The following ARHGAP26 variants were observed in gnomAD, a reference collection of about 807,000 sequenced individuals.
The protein encoded by ARHGAP26 is Rho GTPase activating protein 26.
A neutral mutation model predicts 104.8 loss-of-function variants in ARHGAP26; 38 were observed. The observed-to-expected ratio is 0.36, with a 90% confidence interval of 0.28 to 0.48. ARHGAP26 has a LOEUF of 0.48. Ranked by LOEUF, ARHGAP26 falls within the 20% of genes least tolerant of loss-of-function variation. The pLI is 0.99. For synonymous variants in ARHGAP26, 341 were observed against 340.0 expected (o/e 1.00, Z -0.03); for missense variants, 704 against 947.9 (o/e 0.74, Z 3.38).
chr5:143,056,316 CTTT>C (rs10672936), intron 16 of ARHGAP26, among the ~76,000 whole-genome samples: 3 of 80,096 alleles, frequency 3.7e-5, no homozygotes, highest in Admixed American at 1.5e-4. Flanking sequence ...CTTCAGAAGT[CTTT>C]TTTTTTTTTT....
At chr5:143,081,164 C>T (rs926349620) in intron 17 of ARHGAP26, among the ~76,000 whole-genome samples, 1 of 152,004 alleles carries the variant, frequency 6.6e-6, no homozygotes, top group African/African-American at 2.4e-5. Flanking sequence ...ACAGATTATT[C>T]TTTCTTGTAT....
At position 142,825,913 on chromosome 5, in the gene ARHGAP26, T is replaced by G. The variant is rs144715502; in HGVS notation, c.155-47487T>G. 2.3e-3 allele frequency among the ~76,000 whole-genome samples: 349 copies of G among 152,314 alleles called. 1 individual carries two copies. Among genetic ancestry groups the G allele is most frequent in the Admixed American group, 3.6e-3 (55 of 15,296 alleles). On this transcript the variant is annotated intron_variant, in intron 1 of 22. Coordinates refer to ENST00000645722, the MANE Select transcript of ARHGAP26 (RefSeq NM_001135608.3). ...TGCCTTTCCCGTGCTGTGTGCTGGCTTGGGAATTGTGGAATTCTGCACATG... is the reference window on the plus strand; with the variant it reads ...TGCCTTTCCCGTGCTGTGTGCTGGCGTGGGAATTGTGGAATTCTGCACATG...
At chr5:143,090,755 T>A (rs1791298462) in intron 17 of ARHGAP26, among the ~76,000 whole-genome samples, 1 of 152,184 alleles carries the variant, frequency 6.6e-6, no homozygotes, top group African/African-American at 2.4e-5. Flanking sequence ...TGTTGGCAAT[T>A]CATTCTTGCT....
intron 11 of ARHGAP26, among the ~76,000 whole-genome samples, chr5:142,991,186 C>T (rs554740145): frequency 6.6e-6 from 1 of 152,336 alleles, no homozygotes; most frequent in East Asian, 1.9e-4. Context: ...CCCAGCCTTG[C>T]TGCCGCCTTG....
chr5:143,106,466 C>CTTTTTTTTTTTTTTTTT (rs70991793), intron 17 of ARHGAP26, among the ~76,000 whole-genome samples: 1 of 77,292 alleles, frequency 1.3e-5, no homozygotes, highest in Non-Finnish European at 2.2e-5. Flanking sequence ...ATGCATTGGG[C>CTTTTTTTTTTTTTTTTT]TTTTTTTTTT....
At chr5:143,193,543 C>A (rs1221143663) in intron 20 of ARHGAP26, among the ~76,000 whole-genome samples, 1 of 152,146 alleles carries the variant, frequency 6.6e-6, no homozygotes, top group Admixed American at 6.5e-5. Context: ...AGCCACCATG[C>A]CCCGGCCTAC....
intron 1 of ARHGAP26, among the ~76,000 whole-genome samples, chr5:142,813,411 A>C (rs1169591815): frequency 6.6e-6 from 1 of 152,318 alleles, no homozygotes; most frequent in East Asian, 1.9e-4. Flanking sequence ...TGACTGTTTC[A>C]GAAGGAAACC....
chr5:142,868,358 G>A (rs1754697119), intron 1 of ARHGAP26, among the ~76,000 whole-genome samples: 1 of 152,018 alleles, frequency 6.6e-6, no homozygotes. Flanking sequence ...GCCTTGGGAG[G>A]GACTTTCGTC....
At chr5:142,977,334 G>A (rs920870824) in intron 11 of ARHGAP26, among the ~76,000 whole-genome samples, 2 of 151,976 alleles carry the variant, frequency 1.3e-5, no homozygotes, top group Non-Finnish European at 2.9e-5. Context: ...ACAATTTGTG[G>A]CATTGCTGGG....
intron 20 of ARHGAP26, chr5:143,202,414 A>T (rs1807896882): frequency 6.6e-6 from 1 of 152,170 alleles, no homozygotes; most frequent in South Asian, 2.1e-4. Flanking sequence ...GAAATAAGAC[A>T]AGGACACAAA....
At chr5:142,961,700 A>G (rs553950574) in intron 11 of ARHGAP26, among the ~76,000 whole-genome samples, 13 of 152,334 alleles carry the variant, frequency 8.5e-5, no homozygotes, top group Admixed American at 5.9e-4. Context: ...GATAAAGTCT[A>G]TCCTCCTGTG....
intron 12 of ARHGAP26, among the ~76,000 whole-genome samples, chr5:143,021,118 A>G (rs1253880536): frequency 6.6e-6 from 1 of 152,266 alleles, no homozygotes; most frequent in Non-Finnish European, 1.5e-5. Context: ...TGAAACATTC[A>G]GTCAAAAATC....
intron 11 of ARHGAP26, among the ~76,000 whole-genome samples, chr5:142,977,940 G>A (rs1016673931): frequency 6.6e-6 from 1 of 152,192 alleles, no homozygotes; most frequent in African/African-American, 2.4e-5. Context: ...ACCTTGAGAG[G>A]TTTCATCAGC....
At position 143,055,881 on chromosome 5, in the gene ARHGAP26, G is replaced by T. The variant is rs188633335; in HGVS notation, c.1374-147G>T. ...TTTTGGGTGAAATCTCAGAACGCTT[G>T]CAATAGGGAAACTACATTGTTATTG... On this transcript the variant is annotated intron_variant, in intron 15 of 22. Coordinates refer to ENST00000645722, the MANE Select transcript of ARHGAP26 (RefSeq NM_001135608.3). 5.8e-5 allele frequency: 32 copies of T among 554,276 alleles called. No individual in the cohort carries two copies. The East Asian group carries it at 9.2e-4, about 16-fold the overall frequency. 34.3% of individuals were successfully genotyped at this position (554,276 alleles called of 1,614,324 possible).
chr5:142,946,103 C>T (rs539880422), intron 11 of ARHGAP26, among the ~76,000 whole-genome samples: 3 of 152,324 alleles, frequency 2.0e-5, no homozygotes, highest in East Asian at 1.9e-4. Flanking sequence ...ATAATTCATA[C>T]ATTTCCATAA....
chr5:142,879,353 TA>T lies in ARHGAP26; in HGVS notation c.313-20del. On this transcript the variant is annotated intron_variant, in intron 3 of 22. Coordinates refer to ENST00000645722, the MANE Select transcript of ARHGAP26 (RefSeq NM_001135608.3). ...TACTGCTTTTGTGTCTTCTTTCCCTTACTCTGTTGTTCTTCACCAGATTGAG... is the reference window on the plus strand; with the variant it reads ...TACTGCTTTTGTGTCTTCTTTCCCTTCTCTGTTGTTCTTCACCAGATTGAG... The T allele has an allele frequency of 6.2e-7, 1 of 1,609,842 alleles. No homozygotes were observed. Among genetic ancestry groups the T allele is most frequent in the Non-Finnish European group, 8.5e-7 (1 of 1,176,094 alleles).
chr5:143,172,692 G>A (rs1237009471), intron 20 of ARHGAP26, among the ~76,000 whole-genome samples: 2 of 152,172 alleles, frequency 1.3e-5, no homozygotes, highest in Non-Finnish European at 2.9e-5. Flanking sequence ...TTTTACTATG[G>A]TGCAACAAGG....
rs1314826121 is a variant in ARHGAP26, at chr5:142,770,482, T to C, written c.-280T>C. On this transcript the variant is annotated 5_prime_UTR_variant, in exon 1 of 23. Transcript: ENST00000645722. ...GCGGCGTCTGCACTCGCTCGCCCGC[T>C]CGCTCGCTTCCCGGCGCCGCTGCGG... 1 of 192,364 alleles carries C rather than the reference T, an allele frequency of 5.2e-6. No homozygotes were observed. Among genetic ancestry groups the C allele is most frequent in the Admixed American group, 6.1e-5 (1 of 16,266 alleles). The allele number at this position is 192,364 out of a possible 1,614,324, so 11.9% of individuals were successfully genotyped here. A position where few individuals can be genotyped will look rare whatever the true frequency, so the allele number is the denominator to read the frequency against.
At chr5:142,985,965 A>C (rs1201368643) in intron 11 of ARHGAP26, among the ~76,000 whole-genome samples, 4 of 152,152 alleles carry the variant, frequency 2.6e-5, no homozygotes, top group South Asian at 2.1e-4. Flanking sequence ...CGCAATAAAC[A>C]TACGTGTGTA....
Sources: allele counts gnomAD v4.1 joint callset (sites outside exome capture counted in the v4.1 genomes callset), GRCh38; gene constraint gnomAD v4.1.1; transcripts MANE v1.5; gene names NCBI Gene and HGNC (gene_info 2026-07-23, HGNC 2026-07-21).